The following DPYD variants were observed in gnomAD, a reference collection of about 807,000 sequenced individuals.
DPYD encodes the protein dihydropyrimidine dehydrogenase [NADP(+)].
Under a neutral mutation model 116.2 loss-of-function variants are expected in DPYD, and 109 were observed. The ratio of observed to expected loss-of-function variants is 0.94; its 90% confidence interval spans 0.80 to 1.10. The LOEUF (loss-of-function observed/expected upper bound fraction) is 1.10. Ranked by LOEUF, DPYD falls within the 50% of genes least tolerant of loss-of-function variation. DPYD has a pLI of 0.00. For missense variants in DPYD, 1,302 were observed against 1,254.5 expected (o/e 1.04, Z -0.57); for synonymous variants, 440 against 432.0 (o/e 1.02, Z -0.23).
intron 21 of DPYD, among the ~76,000 whole-genome samples, chr1:97,085,268 C>A (rs924025239): frequency 1.3e-5 from 2 of 152,160 alleles, no homozygotes; most frequent in African/African-American, 4.8e-5. Context: ...AGGAAACTCT[C>A]TAGGCAGTCA....
intron 12 of DPYD, among the ~76,000 whole-genome samples, chr1:97,540,858 A>T (rs75720706): frequency 0.013 from 1,989 of 152,066 alleles, 28 homozygotes; most frequent in Middle Eastern, 0.024. Context: ...ACACACACAT[A>T]CTCATCACTT....
At position 97,345,835 on chromosome 1, in the gene DPYD, T is replaced by C. The variant is rs149678868; in HGVS notation, c.2058+27726A>G. ...CTGAAATATGTGCTCTTAATCACTATGAAACCTGCCTAATAGAAGTACACA... is the reference window on the plus strand; with the variant it reads ...CTGAAATATGTGCTCTTAATCACTACGAAACCTGCCTAATAGAAGTACACA... On this transcript the variant is annotated intron_variant, in intron 16 of 22. Transcript: ENST00000370192. Among the ~76,000 whole-genome samples the C allele has an allele frequency of 2.5e-3, 375 of 152,048 alleles. 1 individual carries two copies. Among genetic ancestry groups the C allele is most frequent in the African/African-American group, 8.9e-3 (368 of 41,552 alleles).
At chr1:97,359,453 AG>A (rs1670599650) in intron 16 of DPYD, among the ~76,000 whole-genome samples, 1 of 152,184 alleles carries the variant, frequency 6.6e-6, no homozygotes, top group Non-Finnish European at 1.5e-5. Flanking sequence ...CAGGAAATAG[AG>A]AGAACACTAC....
At chr1:97,473,093 T>A (rs1180601091) in intron 13 of DPYD, among the ~76,000 whole-genome samples, 4 of 152,202 alleles carry the variant, frequency 2.6e-5, no homozygotes, top group Non-Finnish European at 5.9e-5. Flanking sequence ...ATTGTAAGTG[T>A]GTACCCTTTA....
chr1:97,610,527 A>G (rs1655875480), intron 8 of DPYD, among the ~76,000 whole-genome samples: 1 of 152,030 alleles, frequency 6.6e-6, no homozygotes, highest in Admixed American at 6.6e-5. Context: ...ACACATCTAA[A>G]CTATCATTCC....
intron 21 of DPYD, among the ~76,000 whole-genome samples, chr1:97,088,078 T>C (rs913261746): frequency 1.3e-5 from 2 of 152,220 alleles, no homozygotes; most frequent in African/African-American, 4.8e-5. Context: ...GTTATCTAAA[T>C]GCATAACCTT....
chr1:97,787,183 C>G (rs1667085129), intron 3 of DPYD, among the ~76,000 whole-genome samples: 2 of 152,040 alleles, frequency 1.3e-5, no homozygotes, highest in Non-Finnish European at 2.9e-5. Context: ...GAAAATAAAG[C>G]CTCTCATCTT....
chr1:97,810,935 T>G (rs1668320968), intron 3 of DPYD, among the ~76,000 whole-genome samples: 1 of 152,156 alleles, frequency 6.6e-6, no homozygotes, highest in Non-Finnish European at 1.5e-5. Context: ...CAACCTCATC[T>G]CCCACAATGT....
intron 2 of DPYD, among the ~76,000 whole-genome samples, chr1:97,832,263 G>GT (rs1669577365): frequency 6.6e-6 from 1 of 152,020 alleles, no homozygotes; most frequent in African/African-American, 2.4e-5. Context: ...AGCTAGCAAG[G>GT]GATAAAGCAG....
intron 18 of DPYD, among the ~76,000 whole-genome samples, chr1:97,267,119 T>C (rs1010994473): frequency 1.3e-5 from 2 of 152,208 alleles, no homozygotes; most frequent in African/African-American, 4.8e-5. Context: ...TCTTCCACAA[T>C]GGTTGAACTA....
At chr1:97,339,494 G>A (rs182404456) in intron 16 of DPYD, among the ~76,000 whole-genome samples, 26 of 152,172 alleles carry the variant, frequency 1.7e-4, no homozygotes, top group African/African-American at 5.8e-4. Context: ...AATGACTGTC[G>A]CCCAAGAATC....
intron 11 of DPYD, among the ~76,000 whole-genome samples, chr1:97,564,149 T>C (rs1447822336): frequency 6.6e-6 from 1 of 152,196 alleles, no homozygotes; most frequent in Non-Finnish European, 1.5e-5. Context: ...GATCTATCAA[T>C]GTTATTATTC....
chr1:97,270,321 T>C (rs922408440), intron 18 of DPYD, among the ~76,000 whole-genome samples: 1 of 152,216 alleles, frequency 6.6e-6, no homozygotes, highest in African/African-American at 2.4e-5. Flanking sequence ...GTATAGACTA[T>C]AATTTTTTAT....
chr1:97,224,900 T>C (rs2101899117), intron 19 of DPYD, among the ~76,000 whole-genome samples: 1 of 152,164 alleles, frequency 6.6e-6, no homozygotes, highest in Middle Eastern at 3.4e-3. Context: ...TCTTCATCAT[T>C]CATCTATTGA....
chr1:97,487,794 A>C (rs1327682443), intron 13 of DPYD, among the ~76,000 whole-genome samples: 1 of 152,248 alleles, frequency 6.6e-6, no homozygotes, highest in Non-Finnish European at 1.5e-5. Flanking sequence ...AAGAATGTGG[A>C]AAAACTAGAT....
chr1:97,903,004 T>C (rs962837982), intron 1 of DPYD, among the ~76,000 whole-genome samples: 2 of 151,868 alleles, frequency 1.3e-5, no homozygotes, highest in African/African-American at 4.8e-5. Context: ...GGATGATAAA[T>C]ATTGCATCGT....
intron 5 of DPYD, among the ~76,000 whole-genome samples, chr1:97,707,399 C>A (rs1342741046): frequency 1.3e-5 from 2 of 151,340 alleles, no homozygotes; most frequent in African/African-American, 4.8e-5. Context: ...CCCACTAACT[C>A]GTCATCTAGC....
At chr1:97,203,951 T>C (rs1248958406) in intron 19 of DPYD, among the ~76,000 whole-genome samples, 1 of 152,074 alleles carries the variant, frequency 6.6e-6, no homozygotes, top group Non-Finnish European at 1.5e-5. Context: ...AAAACACAAA[T>C]TTGTGAGAGA....
intron 7 of DPYD, among the ~76,000 whole-genome samples, chr1:97,684,203 A>G (rs1660585854): frequency 6.6e-6 from 1 of 152,168 alleles, no homozygotes; most frequent in South Asian, 2.1e-4. Flanking sequence ...ACACTGCTTT[A>G]GCAGCATCCC....
Sources: allele counts gnomAD v4.1 joint callset (sites outside exome capture counted in the v4.1 genomes callset), GRCh38; gene constraint gnomAD v4.1.1; transcripts MANE v1.5; gene names NCBI Gene and HGNC (gene_info 2026-07-23, HGNC 2026-07-21).